The following ATRNL1 variants were observed in gnomAD, a reference collection of about 807,000 sequenced individuals.
ATRNL1 encodes attractin-like protein 1.
A neutral mutation model predicts 182.7 loss-of-function variants in ATRNL1; 95 were observed. That is an observed-to-expected ratio of 0.52 (90% confidence interval 0.44 to 0.62). ATRNL1 has a LOEUF of 0.62. ATRNL1 is among the 20% of genes least tolerant of loss of function. The probability of loss-of-function intolerance (pLI) is 0.00; values close to 1 mark genes in which losing one functional copy is unlikely to be tolerated. For synonymous variants in ATRNL1, 576 were observed against 568.3 expected (o/e 1.01, Z -0.19); for missense variants, 1,471 against 1,679.5 (o/e 0.88, Z 2.17).
At chr10:115,610,712 T>C (rs1340036473) in intron 26 of ATRNL1, among the ~76,000 whole-genome samples, 3 of 152,176 alleles carry the variant, frequency 2.0e-5, no homozygotes, top group Admixed American at 1.3e-4. Context: ...GTAGAGGTCT[T>C]TGAACAGTGC....
chr10:115,747,533 C>G (rs1360373847), intron 27 of ATRNL1, among the ~76,000 whole-genome samples: 1 of 151,974 alleles, frequency 6.6e-6, no homozygotes, highest in Non-Finnish European at 1.5e-5. Flanking sequence ...GAATAGAACC[C>G]AAATACAGTA....
chr10:115,575,212 A>G (rs1464731445), intron 26 of ATRNL1, among the ~76,000 whole-genome samples: 1 of 152,186 alleles, frequency 6.6e-6, no homozygotes, highest in Non-Finnish European at 1.5e-5. Flanking sequence ...GTTGAGTTTT[A>G]GAAAATATGT....
intron 9 of ATRNL1, among the ~76,000 whole-genome samples, chr10:115,231,726 G>A (rs1283219812): frequency 6.6e-6 from 1 of 152,156 alleles, no homozygotes; most frequent in Non-Finnish European, 1.5e-5. Context: ...CATAAGAACA[G>A]ATATGAAGTC....
intron 26 of ATRNL1, among the ~76,000 whole-genome samples, chr10:115,661,040 C>A (rs1555037555): frequency 6.6e-6 from 1 of 151,918 alleles, no homozygotes; most frequent in East Asian, 1.9e-4. Context: ...GTATATTGTT[C>A]TTTCTTACTA....
chr10:115,809,514 T>C (rs899175739), intron 27 of ATRNL1, among the ~76,000 whole-genome samples: 1 of 152,028 alleles, frequency 6.6e-6, no homozygotes, highest in Non-Finnish European at 1.5e-5. Flanking sequence ...GGATTTTTAG[T>C]GAAATATTTT....
chr10:115,830,362 C>T (rs78157279), intron 27 of ATRNL1, among the ~76,000 whole-genome samples: 2,590 of 152,268 alleles, frequency 0.017, 88 homozygotes, highest in African/African-American at 0.06. Context: ...AGATCAACCT[C>T]CTCATTATGT....
intron 21 of ATRNL1, among the ~76,000 whole-genome samples, chr10:115,446,146 C>T (rs1846974769): frequency 6.6e-6 from 1 of 151,748 alleles, no homozygotes; most frequent in African/African-American, 2.4e-5. Context: ...ATATGTGCTA[C>T]CCTTCAACTC....
chr10:115,300,152 G>T lies in ATRNL1; in HGVS notation c.2534G>T (p.Gly845Val). 1 of 1,614,034 alleles carries T rather than the reference G, an allele frequency of 6.2e-7. No individual in the cohort carries two copies. The highest frequency in any genetic ancestry group is 8.5e-7 in the Non-Finnish European group (1 of 1,179,964). ...QWLPGEPNDS[G>V]FCAYLERAAV... ...CTTCCTGGCGAACCCAATGATTCTG[G>T]GTTTTGTGCATATCTGGAAAGGGCT... Residue 845 changes from glycine (G) to valine (V), a missense_variant, in exon 16 of 29, where the codon GGG becomes GTG. Coordinates refer to ENST00000355044, the MANE Select transcript of ATRNL1 (RefSeq NM_207303.4).
intron 27 of ATRNL1, among the ~76,000 whole-genome samples, chr10:115,832,471 TC>T: frequency 6.6e-6 from 1 of 152,360 alleles, no homozygotes; most frequent in East Asian, 1.9e-4. Context: ...GTTTTTGCAC[TC>T]CCTTCATTCC....
intron 28 of ATRNL1, among the ~76,000 whole-genome samples, chr10:115,889,107 T>C (rs1555110501): frequency 6.6e-6 from 1 of 152,150 alleles, no homozygotes; most frequent in African/African-American, 2.4e-5. Context: ...CTCTCCCATA[T>C]TTGCCAATTA....
intron 19 of ATRNL1, among the ~76,000 whole-genome samples, chr10:115,370,829 G>A (rs562931684): frequency 3.3e-5 from 5 of 152,186 alleles, no homozygotes; most frequent in African/African-American, 9.6e-5. Flanking sequence ...CCAAGACAGT[G>A]GGGGGAAATG....
intron 18 of ATRNL1, among the ~76,000 whole-genome samples, chr10:115,326,200 A>G (rs1055844201): frequency 6.6e-6 from 1 of 152,148 alleles, no homozygotes; most frequent in African/African-American, 2.4e-5. Flanking sequence ...GTCTCAGCCC[A>G]AAATCTCCTT....
intron 27 of ATRNL1, among the ~76,000 whole-genome samples, chr10:115,730,350 T>C (rs1947759320): frequency 6.6e-6 from 1 of 151,136 alleles, no homozygotes; most frequent in African/African-American, 2.4e-5. Context: ...TATGTTTTTC[T>C]CACATGTACA....
At chr10:115,212,090 G>A (rs782715043) in intron 8 of ATRNL1, among the ~76,000 whole-genome samples, 9 of 151,478 alleles carry the variant, frequency 5.9e-5, no homozygotes, top group Non-Finnish European at 1.3e-4. Flanking sequence ...TGGCTGTATT[G>A]CATGATGCTG....
chr10:115,831,510 C>G (rs963106223), intron 27 of ATRNL1, among the ~76,000 whole-genome samples: 1 of 152,006 alleles, frequency 6.6e-6, no homozygotes, highest in Non-Finnish European at 1.5e-5. Context: ...AGAAAATCCC[C>G]CCAGTGAAAA....
chr10:115,598,350 A>ATTTAGTTATTTAT (rs60852354), intron 26 of ATRNL1, among the ~76,000 whole-genome samples: 1 of 145,788 alleles, frequency 6.9e-6, no homozygotes, highest in South Asian at 2.2e-4. Flanking sequence ...ATTTAAAAAA[A>ATTTAGTTATTTAT]TTATTTATTT....
At chr10:115,124,035 A>T (rs1358040364) in intron 3 of ATRNL1, among the ~76,000 whole-genome samples, 1 of 151,950 alleles carries the variant, frequency 6.6e-6, no homozygotes, top group Non-Finnish European at 1.5e-5. Flanking sequence ...TACATATTAC[A>T]ATGTAATAAT....
Position 115,350,334 on chromosome 10 carries a change from C to CAAAAAAAAAAAAAAAAAAA in ATRNL1, c.3175+15926_3175+15927insAAAAAAAAAAAAAAAAAAA, listed in dbSNP as rs1424122017. ...CTGGTGACAGAGCAAGACTCTGTCT[C>CAAAAAAAAAAAAAAAAAAA]AAAAAAAAAAAGAAAAAAAAAAAAA... is the stretch of plus-strand genomic sequence containing the variant. On this transcript the variant is annotated intron_variant, in intron 19 of 28. Transcript: ENST00000355044. 1.0e-4 allele frequency among the ~76,000 whole-genome samples: 3 copies of CAAAAAAAAAAAAAAAAAAA among 29,732 alleles called. 1 individual carries two copies. Among genetic ancestry groups the CAAAAAAAAAAAAAAAAAAA allele is most frequent in the African/African-American group, 3.5e-4 (2 of 5,660 alleles). 19.5% of individuals were successfully genotyped at this position (29,732 alleles called of 152,430 possible). A position where few individuals can be genotyped will look rare whatever the true frequency, so the allele number is the denominator to read the frequency against.
At chr10:115,802,741 T>C (rs1949826676) in intron 27 of ATRNL1, among the ~76,000 whole-genome samples, 1 of 152,202 alleles carries the variant, frequency 6.6e-6, no homozygotes, top group Non-Finnish European at 1.5e-5. Flanking sequence ...GACATTCATC[T>C]ATATGAGACG....
Sources: gnomAD v4.1 joint callset for allele counts (sites outside exome capture counted in the v4.1 genomes callset) on GRCh38, gnomAD v4.1.1 for gene constraint, MANE v1.5 for transcripts, NCBI Gene and HGNC (gene_info 2026-07-23, HGNC 2026-07-21) for gene names.